TSBP1: variants seen among roughly 807,000 people sequenced by gnomAD.
TSBP1 encodes testis-expressed basic protein 1.
A neutral mutation model predicts 68.8 loss-of-function variants in TSBP1; 56 were observed. The observed-to-expected ratio is 0.81, with a 90% CI of 0.66 to 1.02. TSBP1 has a LOEUF of 1.02. Ranked by LOEUF, TSBP1 falls within the 50% of genes least tolerant of loss-of-function variation. The pLI is 0.00. For synonymous variants in TSBP1, 171 were observed against 208.7 expected, an observed-to-expected ratio of 0.82 and a Z score of 1.56; for missense variants, 502 against 641.2, an observed-to-expected ratio of 0.78 and a Z score of 2.34.
Position 32,316,310 on chromosome 6 carries a change from A to T in TSBP1, c.560-518T>A. The T allele has an allele frequency of 8.9e-7, 1 of 1,119,938 alleles. No individual in the cohort carries two copies. Among genetic ancestry groups the T allele is most frequent in the Non-Finnish European group, 1.3e-6 (1 of 764,530 alleles). The allele number at this position is 1,119,938 out of a possible 1,614,324, so 69.4% of individuals were successfully genotyped here. A position where few individuals can be genotyped will look rare whatever the true frequency, so the allele number is the denominator to read the frequency against. Reference sequence around the variant, plus strand: ...TAGGGTAATAAGGAAGCAAGGGAATAATGGGAACCACAAATCACTTTGACA... The same window carrying T: ...TAGGGTAATAAGGAAGCAAGGGAATTATGGGAACCACAAATCACTTTGACA... On this transcript the variant is annotated intron_variant, in intron 18 of 22. Coordinates refer to ENST00000612031, the Ensembl canonical transcript of TSBP1. The surrounding 1 kb of genome is among the most constrained non-coding windows in gnomAD (Gnocchi z 4.5).
chr6:32,300,808 A>C, intron 20 of TSBP1, 108 bp from the exon 24 acceptor site: 1 of 891,196 alleles, frequency 1.1e-6, no homozygotes, highest in Non-Finnish European at 1.9e-6. Flanking sequence ...ACTAAATTTC[A>C]TTTATTTAAA....
intron 9 of TSBP1, chr6:32,349,534 G>T: frequency 3.8e-6 from 2 of 531,110 alleles, no homozygotes; most frequent in Non-Finnish European, 6.6e-6. Flanking sequence ...CTCTCTTCAT[G>T]TCATCATAAT....
In TSBP1 at chr6:32,302,758, A is replaced by C; in HGVS notation, c.581-129T>G. ...AAAGACTTCTAGCAGAATACAATGAAATATGATGAGACAACAGATCCCTTA... is the reference window on the plus strand; with the variant it reads ...AAAGACTTCTAGCAGAATACAATGACATATGATGAGACAACAGATCCCTTA... On this transcript the variant is annotated intron_variant, in intron 19 of 22. Coordinates refer to ENST00000612031, the Ensembl canonical transcript of TSBP1. The surrounding 1 kb of genome is among the most constrained non-coding windows in gnomAD (Gnocchi z 5.1). The C allele has an allele frequency of 1.5e-6, 1 of 651,710 alleles. No homozygotes were observed. The highest frequency in any genetic ancestry group is 2.0e-5 in the South Asian group (1 of 50,134). The allele number at this position is 651,710 out of a possible 1,614,324, so 40.4% of individuals were successfully genotyped here. A position where few individuals can be genotyped will look rare whatever the true frequency, so the allele number is the denominator to read the frequency against.
At chr6:32,327,078 G>A (rs1276390375) in intron 16 of TSBP1, among the ~76,000 whole-genome samples, 4 of 152,040 alleles carry the variant, frequency 2.6e-5, no homozygotes, top group South Asian at 4.2e-4. Flanking sequence ...GGTAGTTTCC[G>A]AACTTTATCT....
chr6:32,340,804 CT>C lies in TSBP1; in HGVS notation c.350-1167del, dbSNP rs9281742. Among the ~76,000 whole-genome samples the C allele has an allele frequency of 2.0e-4, 29 of 147,944 alleles. No individual in the cohort carries two copies. Among genetic ancestry groups the C allele is most frequent in the Non-Finnish European group, 1.5e-4 (10 of 66,844 alleles). ...AATGAGGAGAAAGGAATTTTTCTTT[CT>C]TTTTTTTTTTGAGACAATCTCTCTC... On this transcript the variant is annotated intron_variant, in intron 9 of 22. Transcript: ENST00000612031. This position sits in a 1 kb window ranked among gnomAD's most constrained non-coding sequence, Gnocchi z 4.8.
At chr6:32,311,502 T>G (rs1448962255) in intron 19 of TSBP1, among the ~76,000 whole-genome samples, 1 of 152,152 alleles carries the variant, frequency 6.6e-6, no homozygotes, top group Non-Finnish European at 1.5e-5. Flanking sequence ...ATTGCAGCAT[T>G]GCCAGCTCCA....
intron 19 of TSBP1, among the ~76,000 whole-genome samples, chr6:32,303,016 G>A (rs867331686): frequency 3.9e-5 from 6 of 152,312 alleles, no homozygotes; most frequent in African/African-American, 1.4e-4. Flanking sequence ...GATGGCCCTG[G>A]AAGATCTGTC....
chr6:32,361,783 T>C lies in TSBP1; in HGVS notation c.217+4384A>G, dbSNP rs1443352799. 4.6e-5 allele frequency among the ~76,000 whole-genome samples: 7 copies of C among 152,198 alleles called. No homozygotes were observed. Among genetic ancestry groups the C allele is most frequent in the Admixed American group, 4.6e-4 (7 of 15,286 alleles). Reference sequence around the variant, plus strand: ...AGCTGTATTTTGAGTTGTATCTTGCTTTTGAGTTGTATGAGTTCCTTATAT... The same window carrying C: ...AGCTGTATTTTGAGTTGTATCTTGCCTTTGAGTTGTATGAGTTCCTTATAT... On this transcript the variant is annotated intron_variant, in intron 6 of 22. Coordinates refer to ENST00000612031, the Ensembl canonical transcript of TSBP1. The surrounding 1 kb of genome is among the most constrained non-coding windows in gnomAD (Gnocchi z 4.3).
chr6:32,317,054 T>A (rs1767034574), intron 18 of TSBP1, among the ~76,000 whole-genome samples: 1 of 152,158 alleles, frequency 6.6e-6, no homozygotes, highest in Non-Finnish European at 1.5e-5. Context: ...TAGAAAATTA[T>A]GGTATGCTAC....
At position 32,371,731 on chromosome 6, in the gene TSBP1, T is replaced by A. The variant is rs779130073; in HGVS notation, c.-25A>T. 3.1e-6 allele frequency: 5 copies of A among 1,613,774 alleles called. No individual in the cohort carries two copies. The East Asian group carries it at 8.9e-5, about 29-fold the overall frequency. On this transcript the variant is annotated 5_prime_UTR_variant, in exon 1 of 23. Transcript: ENST00000612031. ...TTTTCCATGTATTGTCTTCATCAGG[T>A]CTCGCATCATCTGGATTTCTTTGTC...
intron 1 of TSBP1, among the ~76,000 whole-genome samples, chr6:32,371,122 C>A (rs1428763537): frequency 6.6e-6 from 1 of 152,130 alleles, no homozygotes; most frequent in Non-Finnish European, 1.5e-5. Context: ...TGGAGATTTT[C>A]TACTAATGTA....
At chr6:32,367,021 C>T (rs1773818458) in intron 4 of TSBP1, among the ~76,000 whole-genome samples, 1 of 150,676 alleles carries the variant, frequency 6.6e-6, no homozygotes, top group Non-Finnish European at 1.5e-5. Flanking sequence ...TCTTTTCTTT[C>T]CTCAACTCTC....
intron 6 of TSBP1, among the ~76,000 whole-genome samples, chr6:32,360,613 A>T (rs1461713414): frequency 1.3e-5 from 2 of 152,146 alleles, no homozygotes; most frequent in Non-Finnish European, 2.9e-5. Context: ...AATTTATTGG[A>T]GGAACCACAA....
In TSBP1 at chr6:32,343,862, C is replaced by T. The variant is rs1447108655; in HGVS notation, c.350-4224G>A. Reference sequence around the variant, plus strand: ...TTGTTTCTGTTCTTTTTGTTCAGCTCTAAAATGTTTCTCTTGTAAAATAAC... The same window carrying T: ...TTGTTTCTGTTCTTTTTGTTCAGCTTTAAAATGTTTCTCTTGTAAAATAAC... On this transcript the variant is annotated intron_variant, in intron 9 of 22. Transcript: ENST00000612031. This position sits in a 1 kb window ranked among gnomAD's most constrained non-coding sequence, Gnocchi z 4.3. 6.6e-6 allele frequency among the ~76,000 whole-genome samples: 1 copy of T among 152,042 alleles called. No individual in the cohort carries two copies. Among genetic ancestry groups the T allele is most frequent in the African/African-American group, 2.4e-5 (1 of 41,378 alleles).
chr6:32,332,007 A>T (rs1769079423), intron 15 of TSBP1, 27 bp downstream of exon 16: 2 of 1,558,932 alleles, frequency 1.3e-6, no homozygotes, highest in Admixed American at 3.3e-5. Flanking sequence ...GCCAGTAGAG[A>T]TAAGTTGATA....
intron 20 of TSBP1, 29 bp from the exon 24 acceptor site, chr6:32,300,729 T>C (rs1765201962): frequency 6.2e-7 from 1 of 1,603,708 alleles, no homozygotes; most frequent in African/African-American, 1.3e-5. Flanking sequence ...AACACATCAG[T>C]AGGTACTGGG....
At chr6:32,330,695 G>A (rs1768908108) in intron 15 of TSBP1, 86 bp from the exon 17 acceptor site, 1 of 1,440,386 alleles carries the variant, frequency 6.9e-7, no homozygotes, top group East Asian at 2.5e-5. Context: ...TTGAGACAGA[G>A]TCTCTCACTC....
intron 15 of TSBP1, 62 bp from the exon 17 acceptor site, chr6:32,330,671 CA>C: frequency 6.8e-7 from 1 of 1,463,706 alleles, no homozygotes. Context: ...CACACACACA[CA>C]CACTTCTATT....
chr6:32,299,349 T>C (rs1765047814), intron 22 of TSBP1, among the ~76,000 whole-genome samples: 1 of 152,234 alleles, frequency 6.6e-6, no homozygotes, highest in African/African-American at 2.4e-5. Context: ...CAAAGGTAGT[T>C]ATTTAGAAGG....
Sources: allele counts gnomAD v4.1 joint callset (sites outside exome capture counted in the v4.1 genomes callset), GRCh38; gene constraint gnomAD v4.1.1; non-coding constraint Gnocchi (gnomAD v3.1); transcripts MANE v1.5; gene names NCBI Gene and HGNC (gene_info 2026-07-23, HGNC 2026-07-21).